Variants in ATP8B1 observed in about 807,000 individuals in gnomAD.
ATP8B1 encodes the protein phospholipid-transporting ATPase IC.
ATP8B1 carries 80 observed loss-of-function variants against 149.9 expected under a neutral mutation model. That is an observed-to-expected ratio of 0.53 (90% CI 0.45 to 0.64). The LOEUF (loss-of-function observed/expected upper bound fraction) is 0.64. ATP8B1 is among the 30% of genes least tolerant of loss of function. ATP8B1 has a pLI of 0.00. For synonymous variants in ATP8B1, 536 were observed against 562.8 expected (o/e 0.95, Z 0.67); for missense variants, 1,247 against 1,552.6 (o/e 0.80, Z 3.31).
intron 16 of ATP8B1, among the ~76,000 whole-genome samples, chr18:57,672,944 C>CATATATCT (rs1911343008): frequency 1.6e-5 from 1 of 63,822 alleles, no homozygotes; most frequent in Non-Finnish European, 3.0e-5. Context: ...CATGTATATA[C>CATATATCT]ACATATATAC....
chr18:57,725,269 A>T (rs1338685080), intron 2 of ATP8B1, among the ~76,000 whole-genome samples: 1 of 151,184 alleles, frequency 6.6e-6, no homozygotes, highest in Admixed American at 6.6e-5. Flanking sequence ...AAAGAAAAAA[A>T]ATAATCCCAT....
chr18:57,785,959 T>G (rs2080404411), intron 1 of ATP8B1, among the ~76,000 whole-genome samples: 1 of 152,240 alleles, frequency 6.6e-6, no homozygotes. Context: ...AGAGTCACTA[T>G]AAAAACAGCC....
At chr18:57,681,749 C>T (rs1164211966) in intron 15 of ATP8B1, among the ~76,000 whole-genome samples, 1 of 151,898 alleles carries the variant, frequency 6.6e-6, no homozygotes, top group Non-Finnish European at 1.5e-5. Context: ...TGCAGTGAGC[C>T]GAGATCATGC....
At chr18:57,653,663 C>T (rs1046273406) in intron 24 of ATP8B1, among the ~76,000 whole-genome samples, 3 of 147,298 alleles carry the variant, frequency 2.0e-5, no homozygotes, top group African/African-American at 7.4e-5. Flanking sequence ...TCAACCCAGT[C>T]ACAGAAATCC....
At chr18:57,766,009 T>C (rs1479428726) in intron 1 of ATP8B1, among the ~76,000 whole-genome samples, 1 of 151,948 alleles carries the variant, frequency 6.6e-6, no homozygotes, top group Non-Finnish European at 1.5e-5. Flanking sequence ...GTAGATTGTA[T>C]GTTGTGTATA....
chr18:57,798,137 T>C (rs1208320034), intron 1 of ATP8B1, among the ~76,000 whole-genome samples: 3 of 152,090 alleles, frequency 2.0e-5, no homozygotes, highest in African/African-American at 7.2e-5. Flanking sequence ...ATACCAAGGT[T>C]CTCTGTCATT....
chr18:57,666,214 G>A (rs1456644692), intron 20 of ATP8B1, among the ~76,000 whole-genome samples: 1 of 152,146 alleles, frequency 6.6e-6, no homozygotes, highest in African/African-American at 2.4e-5. Context: ...CATATTTATA[G>A]CTTCAGAACA....
In ATP8B1 at chr18:57,736,240, G is replaced by A. The variant is rs116329019; in HGVS notation, c.-25-4408C>T. On this transcript the variant is annotated intron_variant, in intron 1 of 27. Transcript: ENST00000648908. ...TCTGGATACTAGTCCTTAGTTAGATGAATGGTTTGCAAATATTTTCTCCTA... is the reference window on the plus strand; with the variant it reads ...TCTGGATACTAGTCCTTAGTTAGATAAATGGTTTGCAAATATTTTCTCCTA... Among the ~76,000 whole-genome samples, 5 of 152,184 alleles carry A rather than the reference G, an allele frequency of 3.3e-5. No individual in the cohort carries two copies. The East Asian group carries it at 9.6e-4, about 29-fold the overall frequency.
At chr18:57,655,453 A>C (rs773585148) in intron 22 of ATP8B1, 36 bp from the exon 23 acceptor site, 7 of 1,586,278 alleles carry the variant, frequency 4.4e-6, no homozygotes, top group Non-Finnish European at 6.1e-6. Context: ...GTGGATCATA[A>C]ACCGATTGTG....
chr18:57,721,745 A>G (rs2079648862), intron 2 of ATP8B1, among the ~76,000 whole-genome samples: 1 of 96,718 alleles, frequency 1.0e-5, no homozygotes, highest in African/African-American at 4.2e-5. Flanking sequence ...CACCAAGCGG[A>G]CCTAATAGAC....
intron 1 of ATP8B1, among the ~76,000 whole-genome samples, chr18:57,793,362 C>A (rs970041556): frequency 6.6e-6 from 1 of 152,046 alleles, no homozygotes; most frequent in Non-Finnish European, 1.5e-5. Flanking sequence ...CAGCTACCAT[C>A]CTGGCGGACA....
At chr18:57,691,351 T>C (rs557795022) in intron 12 of ATP8B1, among the ~76,000 whole-genome samples, 4 of 152,054 alleles carry the variant, frequency 2.6e-5, no homozygotes, top group South Asian at 2.1e-4. Flanking sequence ...TACTAGGAGG[T>C]AGTGGCCGGA....
At chr18:57,732,133 A>ATATATGTATATGTG in intron 1 of ATP8B1, 1 of 48,098 alleles carries the variant, frequency 2.1e-5, no homozygotes, top group Non-Finnish European at 4.4e-5. Flanking sequence ...ATATGTGTAT[A>ATATATGTATATGTG]TGTATATATG....
intron 23 of ATP8B1, among the ~76,000 whole-genome samples, chr18:57,654,500 G>A (rs1443225919): frequency 6.6e-6 from 1 of 151,120 alleles, no homozygotes; most frequent in Non-Finnish European, 1.5e-5. Context: ...TGTGTATTTT[G>A]TTGAGACGGG....
chr18:57,654,073 A>G lies in ATP8B1; in HGVS notation c.2934T>C (p.Thr978=). ...GGGTGATGAACCAATCCTCGTATGC[A>G]GTCTGTGAGGGGATGACAGAGGCTC... The part of the protein sequence containing the change: ...YSFFNGYSAQ[T]AYEDWFITLY... Residue 978 remains threonine (T), a splice_region_variant and synonymous_variant, in exon 24 of 28, where the codon ACT becomes ACC. Coordinates refer to ENST00000648908, the MANE Select transcript of ATP8B1 (RefSeq NM_001374385.1). 1.2e-6 allele frequency: 2 copies of G among 1,613,412 alleles called. No homozygotes were observed. Among genetic ancestry groups the G allele is most frequent in the Non-Finnish European group, 1.7e-6 (2 of 1,179,428 alleles).
chr18:57,746,862 T>G (rs1360440008), intron 1 of ATP8B1, among the ~76,000 whole-genome samples: 1 of 152,162 alleles, frequency 6.6e-6, no homozygotes, highest in Non-Finnish European at 1.5e-5. Flanking sequence ...GTTCATGGAA[T>G]CCACTGTGCA....
chr18:57,676,250 G>A (rs1274688855), intron 15 of ATP8B1, among the ~76,000 whole-genome samples: 3 of 151,968 alleles, frequency 2.0e-5, no homozygotes, highest in South Asian at 4.2e-4. Flanking sequence ...AGCCTTGATC[G>A]CTTCAGGCGC....
rs774580560 is a variant in ATP8B1 at position 57,652,571 on chromosome 18, G to A, written c.3174C>T (p.Thr1058=). The A allele has an allele frequency of 8.1e-6, 13 of 1,614,034 alleles. No homozygotes were observed. Among genetic ancestry groups the A allele is most frequent in the African/African-American group, 1.3e-5 (1 of 74,914 alleles). The part of the protein sequence containing the change: ...FFIPLGAYLQ[T]VGQDGEAPSD... ...AAGGTGCCTCTCCATCCTGCCCTAC[G>A]GTTTGCAGATAAGCTCCAAGAGGTA... The change falls in exon 25 of 28, where the codon ACC becomes ACT. Residue 1058 remains threonine (T), a synonymous_variant. Transcript: ENST00000648908.
chr18:57,655,472 C>T, intron 22 of ATP8B1, 55 bp from the exon 23 acceptor site: 4 of 1,496,502 alleles, frequency 2.7e-6, no homozygotes. Context: ...TGAGGCAAAA[C>T]ATCAGTTGAT....
Sources: allele counts gnomAD v4.1 joint callset (sites outside exome capture counted in the v4.1 genomes callset), GRCh38; gene constraint gnomAD v4.1.1; transcripts MANE v1.5; gene names NCBI Gene and HGNC (gene_info 2026-07-23, HGNC 2026-07-21).